Variants in DPP10 observed in about 807,000 individuals in gnomAD.
DPP10 encodes dipeptidyl peptidase like 10, also known as inactive dipeptidyl peptidase 10.
Under a neutral mutation model 120.9 loss-of-function variants are expected in DPP10, and 33 were observed. That is an observed-to-expected ratio of 0.27 (90% CI 0.21 to 0.37). The LOEUF is 0.37. Ranked by LOEUF, DPP10 falls within the 10% of genes least tolerant of loss-of-function variation. The probability of loss-of-function intolerance (pLI) is 1.00; values close to 1 mark genes in which losing one functional copy is unlikely to be tolerated. For synonymous variants in DPP10, 337 were observed against 326.1 expected, an observed-to-expected ratio of 1.03 and a Z score of -0.36; for missense variants, 816 against 942.8, an observed-to-expected ratio of 0.87 and a Z score of 1.76.
rs538617655 is a variant in DPP10, at chr2:115,575,504, C to T, written c.441+49532C>T. 4.6e-5 allele frequency among the ~76,000 whole-genome samples: 7 copies of T among 152,190 alleles called. No homozygotes were observed. The South Asian group carries it at 8.3e-4, about 18-fold the overall frequency. ...AGATCAAACGTAGTTTTTCCTTGTA[C>T]GTACAGAAGCTAGGAGCTTGCCACT... On this transcript the variant is annotated intron_variant, in intron 5 of 25. Coordinates refer to ENST00000410059, the MANE Select transcript of DPP10 (RefSeq NM_020868.6).
At chr2:115,214,144 G>C (rs1467845215) in intron 1 of DPP10, among the ~76,000 whole-genome samples, 1 of 152,218 alleles carries the variant, frequency 6.6e-6, no homozygotes, top group Non-Finnish European at 1.5e-5. Flanking sequence ...CAGTGGCCTG[G>C]AGAGTGCCAT....
At position 115,035,046 on chromosome 2, in the gene DPP10, C is replaced by T. The variant is rs570341315; in HGVS notation, c.61-274193C>T. On this transcript the variant is annotated intron_variant, in intron 1 of 25. Coordinates refer to ENST00000410059, the MANE Select transcript of DPP10 (RefSeq NM_020868.6). ...ACAAGCTACCCTGCCAGTCATGCCACTTGGCATTTAGCCGATGACACCTTC... is the reference window on the plus strand; with the variant it reads ...ACAAGCTACCCTGCCAGTCATGCCATTTGGCATTTAGCCGATGACACCTTC... Among the ~76,000 whole-genome samples the T allele has an allele frequency of 7.2e-5, 11 of 152,378 alleles. No homozygotes were observed. In the East Asian group the frequency reaches 9.6e-4, roughly 13 times the overall value.
intron 1 of DPP10, among the ~76,000 whole-genome samples, chr2:114,653,378 T>C (rs917161663): frequency 6.6e-6 from 1 of 152,088 alleles, no homozygotes; most frequent in Non-Finnish European, 1.5e-5. Flanking sequence ...GAAGGAAACT[T>C]TGTGGAGCCT....
At chr2:114,597,176 A>G (rs1691982894) in intron 1 of DPP10, among the ~76,000 whole-genome samples, 2 of 152,076 alleles carry the variant, frequency 1.3e-5, no homozygotes, top group African/African-American at 4.8e-5. Context: ...AGCAAAAGAG[A>G]GAGGCATGGG....
intron 1 of DPP10, among the ~76,000 whole-genome samples, chr2:114,630,904 G>T (rs567212685): frequency 2.0e-4 from 30 of 152,100 alleles, no homozygotes; most frequent in Non-Finnish European, 4.0e-4. Context: ...TGGGAGTCTC[G>T]ATTGAACTAT....
chr2:115,371,817 TAAG>T (rs2065430213), intron 3 of DPP10, among the ~76,000 whole-genome samples: 2 of 152,116 alleles, frequency 1.3e-5, no homozygotes, highest in African/African-American at 4.8e-5. Flanking sequence ...TTTGTTCTAA[TAAG>T]AAAGAATATC....
At chr2:114,950,977 C>G (rs1697742199) in intron 1 of DPP10, among the ~76,000 whole-genome samples, 1 of 152,092 alleles carries the variant, frequency 6.6e-6, no homozygotes. Context: ...TAGCAAGATA[C>G]AGCGCTACAA....
At chr2:114,798,480 A>AG (rs71297180) in intron 1 of DPP10, among the ~76,000 whole-genome samples, 10,271 of 152,248 alleles carry the variant, frequency 0.067, 388 homozygotes, top group South Asian at 0.1. Context: ...AGTAAGTGAC[A>AG]GAAAAAAAAA....
intron 19 of DPP10, among the ~76,000 whole-genome samples, chr2:115,792,656 T>C (rs1301983025): frequency 6.6e-6 from 1 of 152,196 alleles, no homozygotes; most frequent in Non-Finnish European, 1.5e-5. Context: ...ACCTAGTTTC[T>C]TCTGGTCTAT....
chr2:114,497,335 G>A (rs773876941), intron 1 of DPP10, among the ~76,000 whole-genome samples: 13 of 22,590 alleles, frequency 5.8e-4, no homozygotes, highest in African/African-American at 1.3e-3. Context: ...GTGTATACAT[G>A]TACATATACA....
At chr2:115,687,295 GT>G (rs1315816312) in intron 5 of DPP10, among the ~76,000 whole-genome samples, 1 of 151,888 alleles carries the variant, frequency 6.6e-6, no homozygotes, top group Non-Finnish European at 1.5e-5. Context: ...TCTTTATTCT[GT>G]TGTGGGCAAG....
chr2:114,832,998 C>T (rs79042092), intron 1 of DPP10, among the ~76,000 whole-genome samples: 12,287 of 152,004 alleles, frequency 0.081, 607 homozygotes, highest in Non-Finnish European at 0.11. Flanking sequence ...TTGAGAAATA[C>T]GATATTCTGA....
Position 115,511,732 on chromosome 2 carries a change from T to TTC in DPP10, c.366+12129_366+12130insCT, listed in dbSNP as rs1384611570. 6.8e-4 allele frequency among the ~76,000 whole-genome samples: 55 copies of TTC among 80,898 alleles called. 1 individual carries two copies. Among genetic ancestry groups the TTC allele is most frequent in the African/African-American group, 3.3e-3 (55 of 16,536 alleles). The allele number at this position is 80,898 out of a possible 152,430, so 53.1% of individuals were successfully genotyped here. On this transcript the variant is annotated intron_variant, in intron 4 of 25. Coordinates refer to ENST00000410059, the MANE Select transcript of DPP10 (RefSeq NM_020868.6). ...CTTCTTCTTCTTCTTCTTCTTCTTC[T>TTC]TTTTTTTTTTTTTGACACAGGGTCT...
At chr2:115,298,939 A>G (rs1420545795) in intron 1 of DPP10, among the ~76,000 whole-genome samples, 1 of 152,022 alleles carries the variant, frequency 6.6e-6, no homozygotes, top group Non-Finnish European at 1.5e-5. Context: ...GAGTCCTTTC[A>G]TCAGAGAAAT....
At chr2:115,780,851 T>C in intron 15 of DPP10, 23 bp from the exon 16 acceptor site, 1 of 1,591,002 alleles carries the variant, frequency 6.3e-7, no homozygotes, top group South Asian at 1.1e-5. Flanking sequence ...ATTTCTATAA[T>C]AACTTCCTTT....
At chr2:115,496,476 C>T (rs533264626) in intron 3 of DPP10, among the ~76,000 whole-genome samples, 11 of 152,118 alleles carry the variant, frequency 7.2e-5, no homozygotes, top group Non-Finnish European at 1.3e-4. Flanking sequence ...AAACAAGCTT[C>T]ACTTCCTTCT....
intron 3 of DPP10, among the ~76,000 whole-genome samples, chr2:115,369,112 T>C (rs1574583787): frequency 6.6e-6 from 1 of 152,122 alleles, no homozygotes; most frequent in East Asian, 1.9e-4. Flanking sequence ...TGCTAATCTT[T>C]ACTACAATAG....
rs957156734 is a variant in DPP10 at position 115,286,317 on chromosome 2, A to C, written c.61-22922A>C. ...TAATCCTTGCTAGAATGCTGGGAAA[A>C]ACTGATGTTATTTGTAAATGAAGAT... On this transcript the variant is annotated intron_variant, in intron 1 of 25. Coordinates refer to ENST00000410059, the MANE Select transcript of DPP10 (RefSeq NM_020868.6). 2.3e-4 allele frequency among the ~76,000 whole-genome samples: 34 copies of C among 150,802 alleles called. 1 individual carries two copies. The highest frequency in any genetic ancestry group is 4.9e-4 in the Non-Finnish European group (33 of 67,644).
chr2:115,200,393 T>G (rs2055612582), intron 1 of DPP10, among the ~76,000 whole-genome samples: 2 of 152,108 alleles, frequency 1.3e-5, no homozygotes, highest in South Asian at 4.1e-4. Flanking sequence ...AGCTAATTTT[T>G]TTTTCCCCCA....
Sources: gnomAD v4.1 joint callset for allele counts (sites outside exome capture counted in the v4.1 genomes callset) on GRCh38, gnomAD v4.1.1 for gene constraint, MANE v1.5 for transcripts, NCBI Gene and HGNC (gene_info 2026-07-23, HGNC 2026-07-21) for gene names.